Variants in ELMO1 observed in about 807,000 individuals in gnomAD.
ELMO1 encodes engulfment and cell motility 1.
In ELMO1, 26 loss-of-function variants were observed where a neutral mutation model predicts 98.9. That is an observed-to-expected ratio of 0.26 (90% CI 0.19 to 0.36). The LOEUF (loss-of-function observed/expected upper bound fraction) is 0.36, where lower values mean the gene tolerates loss of function less well. Among genes scored for constraint, ELMO1 ranks in the 10% least tolerant of loss-of-function variants. The probability of loss-of-function intolerance (pLI) is 1.00; values close to 1 mark genes in which losing one functional copy is unlikely to be tolerated. For synonymous variants in ELMO1, 346 were observed against 346.0 expected (o/e 1.00, Z 0.00); for missense variants, 627 against 935.2 (o/e 0.67, Z 4.30).
intron 1 of ELMO1, among the ~76,000 whole-genome samples, chr7:37,375,328 C>A (rs1053099015): frequency 5.3e-5 from 8 of 152,148 alleles, no homozygotes; most frequent in African/African-American, 1.9e-4. Flanking sequence ...CAACATGACT[C>A]CTGAGCAGTA....
intron 15 of ELMO1, among the ~76,000 whole-genome samples, chr7:37,090,459 T>C (rs1784023755): frequency 2.0e-5 from 3 of 152,232 alleles, no homozygotes; most frequent in Non-Finnish European, 2.9e-5. Flanking sequence ...ACTCTCTGCA[T>C]GGCAAATACT....
At chr7:37,322,510 G>A (rs979096407) in intron 2 of ELMO1, among the ~76,000 whole-genome samples, 2 of 151,900 alleles carry the variant, frequency 1.3e-5, no homozygotes, top group African/African-American at 4.8e-5. Context: ...CTATTGACTT[G>A]GGAAGCTGAG....
intron 15 of ELMO1, among the ~76,000 whole-genome samples, chr7:37,080,525 C>T (rs1374625180): frequency 6.6e-6 from 1 of 150,716 alleles, no homozygotes; most frequent in Admixed American, 6.6e-5. Context: ...GCCATCTCTG[C>T]CTCCCGAATT....
intron 16 of ELMO1, among the ~76,000 whole-genome samples, chr7:37,002,943 T>C (rs141129817): frequency 6.6e-6 from 1 of 152,314 alleles, no homozygotes; most frequent in East Asian, 1.9e-4. Flanking sequence ...CTCAGGGGCA[T>C]CTGAGTGAGT....
chr7:37,344,571 T>A (rs1800901173), intron 1 of ELMO1, among the ~76,000 whole-genome samples: 1 of 152,168 alleles, frequency 6.6e-6, no homozygotes, highest in South Asian at 2.1e-4. Flanking sequence ...TGCAAGTACA[T>A]CCTTACAATA....
At chr7:36,989,879 A>G (rs915697325) in intron 16 of ELMO1, among the ~76,000 whole-genome samples, 2 of 152,248 alleles carry the variant, frequency 1.3e-5, no homozygotes, top group African/African-American at 2.4e-5. Context: ...GTGAAACGTC[A>G]TAAGTTTTTT....
chr7:37,448,245 T>A (rs1251052813), intron 1 of ELMO1, among the ~76,000 whole-genome samples: 1 of 151,008 alleles, frequency 6.6e-6, no homozygotes, highest in Non-Finnish European at 1.5e-5. Flanking sequence ...GACTCCAAGA[T>A]CCCAGCCCCA....
chr7:37,150,048 G>C (rs1788252099), intron 13 of ELMO1, among the ~76,000 whole-genome samples: 1 of 152,070 alleles, frequency 6.6e-6, no homozygotes, highest in Non-Finnish European at 1.5e-5. Context: ...GTGACTCAAT[G>C]CCCAAATTTT....
At position 36,870,023 on chromosome 7, in the gene ELMO1, T is replaced by G. The variant is rs1161753139; in HGVS notation, c.1905+370A>C. 6.6e-6 allele frequency among the ~76,000 whole-genome samples: 1 copy of G among 151,534 alleles called. No individual in the cohort carries two copies. The highest frequency in any genetic ancestry group is 1.5e-5 in the Non-Finnish European group (1 of 67,914). On this transcript the variant is annotated intron_variant, in intron 20 of 21. Transcript: ENST00000310758. This position sits in a 1 kb window ranked among gnomAD's most constrained non-coding sequence, Gnocchi z 4.4. ...CAGAAGACAATGAAAGATATTGGGGTGGAAGTTGGAGAAGGGAGAAATAAA... is the reference window on the plus strand; with the variant it reads ...CAGAAGACAATGAAAGATATTGGGGGGGAAGTTGGAGAAGGGAGAAATAAA...
chr7:37,216,435 C>T (rs111966208), intron 11 of ELMO1, among the ~76,000 whole-genome samples: 1,577 of 152,180 alleles, frequency 0.01, 11 homozygotes, highest in Non-Finnish European at 0.016. Flanking sequence ...TCCAGAAACC[C>T]CTCCCTCCAA....
chr7:36,967,195 C>G (rs1789515965), intron 16 of ELMO1, among the ~76,000 whole-genome samples: 1 of 152,126 alleles, frequency 6.6e-6, no homozygotes, highest in African/African-American at 2.4e-5. Flanking sequence ...AATACATGCT[C>G]TAGGCCAATC....
chr7:36,944,057 C>T (rs1265625235), intron 16 of ELMO1, among the ~76,000 whole-genome samples: 2 of 152,182 alleles, frequency 1.3e-5, no homozygotes. Flanking sequence ...CTGCTCAATG[C>T]CACCTGGTAT....
intron 14 of ELMO1, among the ~76,000 whole-genome samples, chr7:37,129,350 A>G (rs1212294190): frequency 6.6e-6 from 1 of 152,224 alleles, no homozygotes; most frequent in East Asian, 1.9e-4. Context: ...GTGACAATAC[A>G]GAAGAATGAA....
intron 5 of ELMO1, 80 bp from the exon 6 acceptor site, chr7:37,259,430 C>T: frequency 6.6e-7 from 1 of 1,516,492 alleles, no homozygotes; most frequent in Non-Finnish European, 9.0e-7. Context: ...CAATGAGGAA[C>T]AGAGATACAA....
chr7:37,102,638 A>G (rs373573206), intron 14 of ELMO1, among the ~76,000 whole-genome samples: 1 of 152,232 alleles, frequency 6.6e-6, no homozygotes, highest in South Asian at 2.1e-4. Context: ...CCTTCTTTGA[A>G]GGGCTTTGTA....
intron 13 of ELMO1, among the ~76,000 whole-genome samples, chr7:37,172,197 G>A (rs1790211578): frequency 6.6e-6 from 1 of 151,994 alleles, no homozygotes. Context: ...TTTAATTTTA[G>A]ATGGCTTCTC....
rs1791374830 is a variant in ELMO1 at position 37,188,500 on chromosome 7, A to AAATAAAT, written c.1086+22885_1086+22886insATTTATT. On this transcript the variant is annotated intron_variant, in intron 13 of 21. Coordinates refer to ENST00000310758, the MANE Select transcript of ELMO1 (RefSeq NM_014800.11). ...ACTGGAGAAAGGTAAAAAAAAAAAA[A>AAATAAAT]AAATAATAATAATAATAATAATAAT... 3.0e-5 allele frequency among the ~76,000 whole-genome samples: 4 copies of AAATAAAT among 134,044 alleles called. 1 individual carries two copies. The highest frequency in any genetic ancestry group is 8.3e-5 in the African/African-American group (3 of 36,168). 87.9% of individuals were successfully genotyped at this position (134,044 alleles called of 152,430 possible).
intron 15 of ELMO1, among the ~76,000 whole-genome samples, chr7:37,033,163 G>T (rs1054348128): frequency 2.0e-5 from 3 of 151,898 alleles, no homozygotes; most frequent in Non-Finnish European, 4.4e-5. Context: ...ATGCATATAC[G>T]TCTGCCTGCA....
Position 37,342,682 on chromosome 7 carries a change from T to C in ELMO1, c.9A>G (p.Pro3=), listed in dbSNP as rs780847141. The change falls in exon 2 of 22, where the codon CCA becomes CCG. Residue 3 remains proline, a synonymous_variant. Coordinates refer to ENST00000310758, the MANE Select transcript of ELMO1 (RefSeq NM_014800.11). The surrounding 1 kb of genome is among the most constrained non-coding windows in gnomAD (Gnocchi z 4.3). MP[P]PADIVKVAIE... The stretch of plus-strand genomic sequence containing the variant: ...TGGCCACCTTGACGATGTCCGCGGG[T>C]GGCGGCATTGTAAGTCCCCAAAATG... 6.2e-7 allele frequency: 1 copy of C among 1,609,968 alleles called. No homozygotes were observed. The highest frequency in any genetic ancestry group is 1.1e-5 in the South Asian group (1 of 90,614).
Sources: gnomAD v4.1 joint callset for allele counts (sites outside exome capture counted in the v4.1 genomes callset) on GRCh38, gnomAD v4.1.1 for gene constraint, Gnocchi (gnomAD v3.1) non-coding constraint, MANE v1.5 for transcripts, NCBI Gene and HGNC (gene_info 2026-07-23, HGNC 2026-07-21) for gene names.